The following STK4 variants were observed in gnomAD, a reference collection of about 807,000 sequenced individuals.
STK4 encodes the protein serine/threonine kinase 4.
STK4 carries 30 observed loss-of-function variants against 64.9 expected under a neutral mutation model. The observed-to-expected ratio is 0.46, with a 90% CI of 0.35 to 0.63. The LOEUF (loss-of-function observed/expected upper bound fraction) is 0.63. Among genes scored for constraint, STK4 ranks in the 20% least tolerant of loss-of-function variants. The pLI, the probability that STK4 is intolerant of heterozygous loss-of-function variation, is 0.01. For missense variants in STK4, 466 were observed against 598.5 expected (o/e 0.78, Z 2.31); for synonymous variants, 177 against 199.0 (o/e 0.89, Z 0.93).
chr20:45,023,986 T>C (rs1248940421), intron 9 of STK4, among the ~76,000 whole-genome samples: 2 of 149,534 alleles, frequency 1.3e-5, no homozygotes, highest in African/African-American at 4.9e-5. Flanking sequence ...CTGCAAGCTC[T>C]GCCTCCCGGG....
chr20:45,027,323 G>A (rs536860611), intron 10 of STK4, among the ~76,000 whole-genome samples: 4 of 151,666 alleles, frequency 2.6e-5, no homozygotes, highest in South Asian at 2.1e-4. Context: ...CCAGCTACTC[G>A]GGAGGCTGAG....
At position 45,034,986 on chromosome 20, in the gene STK4, ATG is replaced by A. The variant is rs1004158609; in HGVS notation, c.1305+9866_1305+9867del. Among the ~76,000 whole-genome samples, 3 of 152,192 alleles carry A rather than the reference ATG, an allele frequency of 2.0e-5. No individual in the cohort carries two copies. The South Asian group carries it at 6.2e-4, about 31-fold the overall frequency. ...TTAAGAAACATACCTATGTATGTAT[ATG>A]TGTGTGTGTATATATAATATAGATA... On this transcript the variant is annotated intron_variant, in intron 10 of 10. Transcript: ENST00000372806.
intron 5 of STK4, among the ~76,000 whole-genome samples, chr20:44,990,330 T>C (rs1397213420): frequency 6.6e-6 from 1 of 152,244 alleles, no homozygotes; most frequent in Admixed American, 6.5e-5. Context: ...ATTTTCAGAT[T>C]GTTCATTGCT....
At chr20:45,009,526 G>T (rs1601257706) in intron 9 of STK4, among the ~76,000 whole-genome samples, 1 of 152,076 alleles carries the variant, frequency 6.6e-6, no homozygotes, top group East Asian at 1.9e-4. Context: ...GGCTCTTTTT[G>T]GTTCCATATA....
intron 10 of STK4, among the ~76,000 whole-genome samples, chr20:45,029,398 A>G (rs115487808): frequency 0.025 from 3,816 of 152,228 alleles, 137 homozygotes; most frequent in African/African-American, 0.082. Flanking sequence ...ATGACATTCT[A>G]CTCTATTTGT....
intron 10 of STK4, among the ~76,000 whole-genome samples, chr20:45,051,473 G>A (rs962060641): frequency 6.6e-6 from 1 of 152,076 alleles, no homozygotes; most frequent in Non-Finnish European, 1.5e-5. Flanking sequence ...CTTTTAGTGA[G>A]TTCCTTTTTT....
At chr20:45,009,463 A>G (rs2068007260) in intron 9 of STK4, among the ~76,000 whole-genome samples, 1 of 152,116 alleles carries the variant, frequency 6.6e-6, no homozygotes, top group East Asian at 1.9e-4. Context: ...GAAGTCAGGT[A>G]GTGCACTGCC....
At chr20:45,059,156 A>AG (rs1371950610) in intron 10 of STK4, among the ~76,000 whole-genome samples, 1 of 152,160 alleles carries the variant, frequency 6.6e-6, no homozygotes, top group Non-Finnish European at 1.5e-5. Context: ...ATCTTAACCA[A>AG]GCGCTTATCA....
chr20:45,019,087 A>G (rs1314616467), intron 9 of STK4, among the ~76,000 whole-genome samples: 1 of 152,212 alleles, frequency 6.6e-6, no homozygotes, highest in Non-Finnish European at 1.5e-5. Context: ...ATTTTAAAGC[A>G]TAGAATTCAG....
At chr20:45,030,594 C>T (rs2068426606) in intron 10 of STK4, among the ~76,000 whole-genome samples, 1 of 152,140 alleles carries the variant, frequency 6.6e-6, no homozygotes, top group South Asian at 2.1e-4. Context: ...ATATTTTCAT[C>T]TGAAACTGAA....
rs372188635 is a variant in STK4 at position 44,973,538 on chromosome 20, C to G, written c.116+1380C>G. 6.6e-5 allele frequency: 10 copies of G among 152,220 alleles called. No individual in the cohort carries two copies. The East Asian group carries it at 1.5e-3, about 23-fold the overall frequency. The allele number at this position is 152,220 out of a possible 1,614,324, so 9.4% of individuals were successfully genotyped here. On this transcript the variant is annotated intron_variant, in intron 2 of 10. Coordinates refer to ENST00000372806, the MANE Select transcript of STK4 (RefSeq NM_006282.5). ...AGGCAGCAAGGCTGTGACCTTTAATCTAACAATGCTCATAAGTTATACTTA... is the reference window on the plus strand; with the variant it reads ...AGGCAGCAAGGCTGTGACCTTTAATGTAACAATGCTCATAAGTTATACTTA...
chr20:44,975,144 A>G (rs1568681165), intron 2 of STK4: 3 of 155,988 alleles, frequency 1.9e-5, no homozygotes, highest in Non-Finnish European at 2.8e-5. Flanking sequence ...TGGTATTTCC[A>G]TTTTTCTACA....
chr20:44,978,450 G>A lies in STK4; in HGVS notation c.124G>A (p.Gly42Ser). Reference protein sequence around the residue: ...VLEKLGEGSYGSVYKAIHKET... With the variant: ...VLEKLGEGSYSSVYKAIHKET... ...CTTCTCCCAAATGTATAGGTCCTAT[G>A]GCAGCGTATACAAAGCTATTCATAA... Residue 42 changes from glycine (G) to serine (S), a missense_variant, in exon 3 of 11, where the codon GGC (glycine) becomes AGC (serine). Coordinates refer to ENST00000372806, the MANE Select transcript of STK4 (RefSeq NM_006282.5). 6.2e-7 allele frequency: 1 copy of A among 1,613,426 alleles called. No individual in the cohort carries two copies. Among genetic ancestry groups the A allele is most frequent in the South Asian group, 1.1e-5 (1 of 90,934 alleles).
At chr20:45,040,310 T>C (rs963128378) in intron 10 of STK4, among the ~76,000 whole-genome samples, 3 of 152,064 alleles carry the variant, frequency 2.0e-5, no homozygotes, top group African/African-American at 7.2e-5. Context: ...GAATATGCAC[T>C]TGATTTTTTG....
Position 45,007,225 on chromosome 20 carries a change from A to G in STK4, c.1147+5872A>G, listed in dbSNP as rs531727282. Among the ~76,000 whole-genome samples, 19 of 152,310 alleles carry G rather than the reference A, an allele frequency of 1.2e-4. No homozygotes were observed. In the South Asian group the frequency reaches 3.3e-3, roughly 27 times the overall value. On this transcript the variant is annotated intron_variant, in intron 9 of 10. Transcript: ENST00000372806. ...GAGATTGTTGCTTGTTCATGGTCACATGGCTAGTAAGTGGTGGAGCTGGAA... is the reference window on the plus strand; with the variant it reads ...GAGATTGTTGCTTGTTCATGGTCACGTGGCTAGTAAGTGGTGGAGCTGGAA...
chr20:45,001,489 G>A, intron 9 of STK4, 136 bp downstream of exon 9: 1 of 1,088,552 alleles, frequency 9.2e-7, no homozygotes, highest in Non-Finnish European at 1.3e-6. Context: ...AAACTTGGAA[G>A]TTTGCGATGG....
intron 2 of STK4, 160 bp downstream of exon 2, chr20:44,972,318 T>C (rs2067262424): frequency 1.6e-6 from 1 of 613,644 alleles, no homozygotes; most frequent in Non-Finnish European, 2.9e-6. Flanking sequence ...ATCCCTATTA[T>C]AGACAGATTT....
intron 1 of STK4, among the ~76,000 whole-genome samples, chr20:44,971,082 T>TAC (rs142027582): frequency 0.15 from 20,557 of 136,142 alleles, 1,583 homozygotes; most frequent in East Asian, 0.28. Flanking sequence ...TTGTGTAGAC[T>TAC]ACACACACAC....
chr20:45,013,564 C>T (rs1195942755), intron 9 of STK4, among the ~76,000 whole-genome samples: 5 of 151,794 alleles, frequency 3.3e-5, no homozygotes, highest in Non-Finnish European at 7.4e-5. Context: ...TTAAAAACTG[C>T]TTATTTAAAA....
Sources: gnomAD v4.1 joint callset for allele counts (sites outside exome capture counted in the v4.1 genomes callset) on GRCh38, gnomAD v4.1.1 for gene constraint, MANE v1.5 for transcripts, NCBI Gene and HGNC (gene_info 2026-07-23, HGNC 2026-07-21) for gene names.